RBM28: variants seen among roughly 807,000 people sequenced by gnomAD.
RBM28 encodes RNA binding motif protein 28.
RBM28 carries 78 observed loss-of-function variants against 98.3 expected under a neutral mutation model. That is an observed-to-expected ratio of 0.79 (90% confidence interval 0.66 to 0.96). The LOEUF is 0.96. Among genes scored for constraint, RBM28 ranks in the 40% least tolerant of loss-of-function variants. The probability of loss-of-function intolerance (pLI) is 0.00; values close to 1 mark genes in which losing one functional copy is unlikely to be tolerated. For missense variants in RBM28, 838 were observed against 913.0 expected (o/e 0.92, Z 1.06); for synonymous variants, 306 against 330.9 (o/e 0.92, Z 0.82).
At chr7:128,334,216 T>A (rs568933505) in intron 8 of RBM28, among the ~76,000 whole-genome samples, 14 of 152,324 alleles carry the variant, frequency 9.2e-5, no homozygotes, top group Admixed American at 9.2e-4. Flanking sequence ...AAAGAAAATA[T>A]CTGGAAGGAT....
In RBM28 at chr7:128,303,448, T is replaced by C. The variant is rs1795807846; in HGVS notation, c.*7349A>G. 1 of 152,200 alleles carries C rather than the reference T, an allele frequency of 6.6e-6. No individual in the cohort carries two copies. The highest frequency in any genetic ancestry group is 2.4e-5 in the African/African-American group (1 of 41,448). The allele number at this position is 152,200 out of a possible 1,614,324, so 9.4% of individuals were successfully genotyped here. On this transcript the variant is annotated 3_prime_UTR_variant, in exon 19 of 19. Coordinates refer to ENST00000223073, the MANE Select transcript of RBM28 (RefSeq NM_018077.3). Reference sequence around the variant, plus strand: ...AAAGGATGCTGAAGATGCAAAAGCCTAAGCCAGGCAGCCCTGCTTGGCCTG... The same window carrying C: ...AAAGGATGCTGAAGATGCAAAAGCCCAAGCCAGGCAGCCCTGCTTGGCCTG...
At position 128,305,160 on chromosome 7, in the gene RBM28, C is replaced by CA. The variant is rs60518508; in HGVS notation, c.*5636dup. 0.053 allele frequency: 5,569 copies of CA among 104,860 alleles called. 145 individuals carry two copies. Among genetic ancestry groups the CA allele is most frequent in the Non-Finnish European group, 0.063 (3,222 of 51,384 alleles). The allele number at this position is 104,860 out of a possible 1,614,324, so 6.5% of individuals were successfully genotyped here. A position where few individuals can be genotyped will look rare whatever the true frequency, so the allele number is the denominator to read the frequency against. On this transcript the variant is annotated 3_prime_UTR_variant, in exon 19 of 19. Transcript: ENST00000223073. ...GGGCAACAAGAATGAAACTCTGTCT[C>CA]AAAAAAAAAAAAAAAAAAAGAAAGT...
intron 16 of RBM28, among the ~76,000 whole-genome samples, chr7:128,316,547 C>G (rs559226936): frequency 6.6e-6 from 1 of 152,198 alleles, no homozygotes; most frequent in East Asian, 1.9e-4. Context: ...CCTGTCTCTA[C>G]TAAAAAAATA....
chr7:128,332,407 G>A (rs971103724), intron 9 of RBM28, among the ~76,000 whole-genome samples: 2 of 151,396 alleles, frequency 1.3e-5, no homozygotes, highest in Non-Finnish European at 2.9e-5. Context: ...AGGCTGGAGT[G>A]CAGTGGCACA....
chr7:128,318,546 G>A (rs983268872), intron 14 of RBM28, among the ~76,000 whole-genome samples: 4 of 151,302 alleles, frequency 2.6e-5, no homozygotes, highest in Admixed American at 6.6e-5. Context: ...AAATCACACT[G>A]GAATAACACT....
chr7:128,326,020 T>G (rs1025907242), intron 10 of RBM28, 129 bp from the exon 11 acceptor site: 1 of 772,226 alleles, frequency 1.3e-6, no homozygotes, highest in African/African-American at 1.7e-5. Flanking sequence ...AGTACAGCCA[T>G]GTAGCCGGGT....
In RBM28 at chr7:128,324,711, C is replaced by A; in HGVS notation, c.1204-17G>T. On this transcript the variant is annotated splice_polypyrimidine_tract_variant and intron_variant, in intron 11 of 18. Transcript: ENST00000223073. ...CCCACCAGCCTGTAACAGATCACAACCCTTTCTTAAAACACATAATGGCCG... is the reference window on the plus strand; with the variant it reads ...CCCACCAGCCTGTAACAGATCACAAACCTTTCTTAAAACACATAATGGCCG... 3 of 1,614,126 alleles carry A rather than the reference C, an allele frequency of 1.9e-6. No individual in the cohort carries two copies. Among genetic ancestry groups the A allele is most frequent in the Non-Finnish European group, 2.5e-6 (3 of 1,180,008 alleles).
At chr7:128,335,426 T>C (rs1410927758) in intron 8 of RBM28, 117 bp downstream of exon 8, 6 of 1,259,664 alleles carry the variant, frequency 4.8e-6, no homozygotes, top group Non-Finnish European at 4.5e-6. Flanking sequence ...AAACATAAAT[T>C]TGATAGAACA....
chr7:128,343,863 G>A lies in RBM28; in HGVS notation c.-70C>T. On this transcript the variant is annotated 5_prime_UTR_variant, in exon 1 of 19. Transcript: ENST00000223073. Reference sequence around the variant, plus strand: ...CCGGCGCACGCGAGCCGAAACGCTGGCTTTGGTAGGACAACCAAGCTCACA... The same window carrying A: ...CCGGCGCACGCGAGCCGAAACGCTGACTTTGGTAGGACAACCAAGCTCACA... 2.7e-6 allele frequency: 3 copies of A among 1,129,192 alleles called. No homozygotes were observed. Among genetic ancestry groups the A allele is most frequent in the Non-Finnish European group, 2.5e-6 (2 of 796,090 alleles). The allele number at this position is 1,129,192 out of a possible 1,614,324, so 69.9% of individuals were successfully genotyped here.
At chr7:128,317,925 G>A (rs1221406911) in intron 15 of RBM28, 32 bp downstream of exon 15, 5 of 1,612,966 alleles carry the variant, frequency 3.1e-6, no homozygotes, top group East Asian at 4.5e-5. Context: ...GTGGTCCTAA[G>A]GGAACAAGTC....
At chr7:128,331,018 A>C (rs1208794006) in intron 9 of RBM28, 90 bp from the exon 10 acceptor site, 4 of 877,244 alleles carry the variant, frequency 4.6e-6, no homozygotes, top group African/African-American at 1.6e-5. Flanking sequence ...TTAGATATCA[A>C]CTCTCCCTTG....
In RBM28 at chr7:128,310,488, A is replaced by T. The variant is rs1795957031; in HGVS notation, c.*309T>A. 3 of 381,700 alleles carry T rather than the reference A, an allele frequency of 7.9e-6. No homozygotes were observed. Among genetic ancestry groups the T allele is most frequent in the Non-Finnish European group, 1.4e-5 (3 of 208,348 alleles). 23.6% of individuals were successfully genotyped at this position (381,700 alleles called of 1,614,324 possible). On this transcript the variant is annotated 3_prime_UTR_variant, in exon 19 of 19. Coordinates refer to ENST00000223073, the MANE Select transcript of RBM28 (RefSeq NM_018077.3). ...ATTCAGCACTCCAGAATGCTTTTTC[A>T]GGTGTTTCCATTTGAGAAATAAAGA... is the stretch of plus-strand genomic sequence containing the variant.
rs539622709 is a variant in RBM28, at chr7:128,320,686, C to T, written c.1563+580G>A. Among the ~76,000 whole-genome samples, 285 of 152,312 alleles carry T rather than the reference C, an allele frequency of 1.9e-3. 2 individuals are homozygous for T. The highest frequency in any genetic ancestry group is 6.6e-3 in the African/African-American group (273 of 41,566). On this transcript the variant is annotated intron_variant, in intron 14 of 18. Coordinates refer to ENST00000223073, the MANE Select transcript of RBM28 (RefSeq NM_018077.3). Reference sequence around the variant, plus strand: ...CTGCAAGAAAATTCACATGATAGCACAAAGTATAATGCTAAGCACACAACA... The same window carrying T: ...CTGCAAGAAAATTCACATGATAGCATAAAGTATAATGCTAAGCACACAACA...
intron 17 of RBM28, among the ~76,000 whole-genome samples, chr7:128,313,662 C>A (rs556992282): frequency 1.3e-5 from 2 of 152,168 alleles, no homozygotes; most frequent in Non-Finnish European, 2.9e-5. Flanking sequence ...TCAAATCTCA[C>A]GTTGAATTGT....
chr7:128,330,582 G>A (rs1453337265), intron 10 of RBM28, among the ~76,000 whole-genome samples: 1 of 151,978 alleles, frequency 6.6e-6, no homozygotes, highest in Non-Finnish European at 1.5e-5. Flanking sequence ...GTGTTGCCCA[G>A]GCTGGTCTCA....
intron 18 of RBM28, among the ~76,000 whole-genome samples, chr7:128,312,275 G>C (rs1796001167): frequency 6.6e-6 from 1 of 152,104 alleles, no homozygotes; most frequent in African/African-American, 2.4e-5. Context: ...AAATTAGCTG[G>C]GCATGGTGGC....
At chr7:128,312,299 T>C (rs4728102) in intron 18 of RBM28, among the ~76,000 whole-genome samples, 150,281 of 152,306 alleles carry the variant, frequency 0.99, 74,177 homozygotes, top group Middle Eastern at 1. Context: ...TGCCTGTAAT[T>C]CCAGCTACTC....
intron 11 of RBM28, among the ~76,000 whole-genome samples, 194 bp from the exon 12 acceptor site, chr7:128,324,888 C>T (rs1796313951): frequency 6.6e-6 from 1 of 151,962 alleles, no homozygotes; most frequent in African/African-American, 2.4e-5. Context: ...GTGGTGTGCG[C>T]CTGTAATCCT....
In RBM28 at chr7:128,308,109, T is replaced by G. The variant is rs1795901845; in HGVS notation, c.*2688A>C. The G allele has an allele frequency of 6.6e-6, 1 of 152,156 alleles. No individual in the cohort carries two copies. Among genetic ancestry groups the G allele is most frequent in the Non-Finnish European group, 1.5e-5 (1 of 68,022 alleles). 9.4% of individuals were successfully genotyped at this position (152,156 alleles called of 1,614,324 possible). On this transcript the variant is annotated 3_prime_UTR_variant, in exon 19 of 19. Transcript: ENST00000223073. ...TCAATGGAGCTGACCAAATAGCCCA[T>G]GGTAAGGTGTTCCAAAGGAAGACAC... is the stretch of plus-strand genomic sequence containing the variant.
Sources: gnomAD v4.1 joint callset for allele counts (sites outside exome capture counted in the v4.1 genomes callset) on GRCh38, gnomAD v4.1.1 for gene constraint, MANE v1.5 for transcripts, NCBI Gene and HGNC (gene_info 2026-07-23, HGNC 2026-07-21) for gene names.